SCN11A: variants seen among roughly 807,000 people sequenced by gnomAD.
SCN11A encodes sodium voltage-gated channel alpha subunit 11.
SCN11A carries 122 observed loss-of-function variants against 162.2 expected under a neutral mutation model. That is an observed-to-expected ratio of 0.75 (90% CI 0.65 to 0.87). The LOEUF (loss-of-function observed/expected upper bound fraction) is 0.87, where lower values mean the gene tolerates loss of function less well. SCN11A is among the 40% of genes least tolerant of loss of function. The probability of loss-of-function intolerance (pLI) is 0.00; values close to 1 mark genes in which losing one functional copy is unlikely to be tolerated. For synonymous variants in SCN11A, 758 were observed against 751.5 expected (o/e 1.01, Z -0.14); for missense variants, 2,015 against 2,181.6 (o/e 0.92, Z 1.52).
At position 38,984,801 on chromosome 3, in the gene SCN11A, G is replaced by A. The variant is rs530371033; in HGVS notation, c.-279-24378C>T. Among the ~76,000 whole-genome samples the A allele has an allele frequency of 3.8e-3, 580 of 152,292 alleles. 3 individuals are homozygous for A. Among genetic ancestry groups the A allele is most frequent in the African/African-American group, 0.012 (485 of 41,560 alleles). ...GCTGGGATTACAGGCGTGAGCCACT[G>A]TGCCTGGCTGAAATTCGTGTTGAGC... On this transcript the variant is annotated intron_variant, in intron 2 of 29. Coordinates refer to ENST00000302328, the MANE Select transcript of SCN11A (RefSeq NM_001349253.2).
At chr3:38,855,210 C>A (rs919573149) in intron 28 of SCN11A, among the ~76,000 whole-genome samples, 7 of 152,188 alleles carry the variant, frequency 4.6e-5, no homozygotes, top group Admixed American at 4.6e-4. Context: ...ACCAGCCTCA[C>A]CAACTGTGTG....
intron 7 of SCN11A, among the ~76,000 whole-genome samples, chr3:38,929,127 CTG>C (rs1491337670): frequency 0.057 from 3,197 of 56,110 alleles, 117 homozygotes; most frequent in Admixed American, 0.15. Flanking sequence ...AATACTGGGT[CTG>C]TGCACGCACA....
chr3:38,998,443 C>T (rs899433645), intron 2 of SCN11A, among the ~76,000 whole-genome samples: 4 of 152,132 alleles, frequency 2.6e-5, no homozygotes, highest in African/African-American at 9.7e-5. Flanking sequence ...GCTTTGTAAG[C>T]TCTTATAAGG....
intron 2 of SCN11A, among the ~76,000 whole-genome samples, chr3:38,995,815 ATCTG>A (rs57106365): frequency 0.07 from 9,283 of 133,528 alleles, 411 homozygotes; most frequent in African/African-American, 0.17. Flanking sequence ...CTATCTATCT[ATCTG>A]TCTATCTATC....
chr3:38,907,357 TACACACACACACAC>T lies in SCN11A; in HGVS notation c.1473+578_1473+591del, dbSNP rs376599495. ...GTGTGTGTGTGTATATATCTATATA[TACACACACACACAC>T]ACACACACACACACACACTTTGATG... On this transcript the variant is annotated intron_variant, in intron 14 of 29. Transcript: ENST00000302328. Among the ~76,000 whole-genome samples, 19 of 128,578 alleles carry T rather than the reference TACACACACACACAC, an allele frequency of 1.5e-4. No homozygotes were observed. The East Asian group carries it at 2.5e-3, about 17-fold the overall frequency. The allele number at this position is 128,578 out of a possible 152,430, so 84.4% of individuals were successfully genotyped here.
chr3:38,982,751 T>C lies in SCN11A; in HGVS notation c.-279-22328A>G, dbSNP rs115431352. ...TGATGGCTCAAGGATGGGGTGGGGG[T>C]CAGGAAAGGAAAACCAGGAAGGAAG... On this transcript the variant is annotated intron_variant, in intron 2 of 29. Coordinates refer to ENST00000302328, the MANE Select transcript of SCN11A (RefSeq NM_001349253.2). 8.0e-3 allele frequency among the ~76,000 whole-genome samples: 1,218 copies of C among 151,856 alleles called. 18 individuals are homozygous for C. The highest frequency in any genetic ancestry group is 0.028 in the African/African-American group (1,171 of 41,372).
intron 1 of SCN11A, among the ~76,000 whole-genome samples, chr3:39,046,877 T>C (rs1373501458): frequency 6.6e-6 from 1 of 152,014 alleles, no homozygotes; most frequent in African/African-American, 2.4e-5. Flanking sequence ...TGCACCACCA[T>C]GCCCGGTTAA....
At chr3:39,013,249 A>G (rs1575358864) in intron 2 of SCN11A, among the ~76,000 whole-genome samples, 1 of 152,226 alleles carries the variant, frequency 6.6e-6, no homozygotes, top group South Asian at 2.1e-4. Context: ...GTGTCTTCCA[A>G]TCCTTTTTCT....
rs1212336111 is a variant in SCN11A at position 38,903,884 on chromosome 3, A to T, written c.1823T>A (p.Met608Lys). The T allele has an allele frequency of 2.5e-6, 4 of 1,604,710 alleles. No individual in the cohort carries two copies. Among genetic ancestry groups the T allele is most frequent in the East Asian group, 2.2e-5 (1 of 44,796 alleles). Reference sequence around the variant, plus strand: ...TGTTACCAAATTCCCTATATTCAACATCTTCTCAAAACTGGCCTCCATCTT... The same window carrying T: ...TGTTACCAAATTCCCTATATTCAACTTCTTCTCAAAACTGGCCTCCATCTT... ...HHKMEASFEK[M>K]LNIGNLVFTS... The change falls in exon 16 of 30, where the codon ATG becomes AAG. Residue 608 changes from methionine to lysine, a missense_variant. Transcript: ENST00000302328.
rs181901132 is a variant in SCN11A, at chr3:38,900,226, T to G, written c.1843-153A>C. On this transcript the variant is annotated intron_variant, in intron 16 of 29. Coordinates refer to ENST00000302328, the MANE Select transcript of SCN11A (RefSeq NM_001349253.2). The stretch of plus-strand genomic sequence containing the variant: ...AAGTCCATGCAATAGAAATATTTAC[T>G]ATTGTAGCATGAACCTCACTATGAC... 5.9e-5 allele frequency among the ~76,000 whole-genome samples: 9 copies of G among 152,312 alleles called. No individual in the cohort carries two copies. The East Asian group carries it at 1.7e-3, about 29-fold the overall frequency.
At chr3:38,953,876 C>T (rs1294933502) in intron 3 of SCN11A, among the ~76,000 whole-genome samples, 117 bp from the exon 4 acceptor site, 1 of 152,136 alleles carries the variant, frequency 6.6e-6, no homozygotes, top group Non-Finnish European at 1.5e-5. Context: ...TCTTGAAACT[C>T]CCTCAGGAAG....
At chr3:38,982,554 A>G (rs1479639376) in intron 2 of SCN11A, among the ~76,000 whole-genome samples, 1 of 152,216 alleles carries the variant, frequency 6.6e-6, no homozygotes, top group African/African-American at 2.4e-5. Flanking sequence ...TTGCTTTTAT[A>G]CGAACAACCC....
chr3:38,884,799 T>C (rs35752744), intron 21 of SCN11A, among the ~76,000 whole-genome samples: 30,793 of 152,286 alleles, frequency 0.2, 3,477 homozygotes, highest in Non-Finnish European at 0.25. Context: ...TTGCTTTGGA[T>C]ACTATTATTA....
At chr3:38,905,124 T>C in intron 15 of SCN11A, 68 bp downstream of exon 15, 1 of 1,602,070 alleles carries the variant, frequency 6.2e-7, no homozygotes, top group Non-Finnish European at 8.5e-7. Flanking sequence ...TCTAGGGGAT[T>C]GGGAAGAAGA....
At chr3:38,941,569 GA>G (rs1283205777) in intron 7 of SCN11A, among the ~76,000 whole-genome samples, 1 of 152,136 alleles carries the variant, frequency 6.6e-6, no homozygotes, top group Admixed American at 6.6e-5. Flanking sequence ...ACAAACAGGG[GA>G]CTAAACTGTG....
chr3:38,898,365 A>G (rs979451799), intron 17 of SCN11A, among the ~76,000 whole-genome samples: 1 of 152,244 alleles, frequency 6.6e-6, no homozygotes, highest in African/African-American at 2.4e-5. Flanking sequence ...TTGAAAGTCT[A>G]TGGCTTCTTT....
chr3:38,978,373 C>T lies in SCN11A; in HGVS notation c.-279-17950G>A, dbSNP rs576912008. Among the ~76,000 whole-genome samples the T allele has an allele frequency of 1.4e-4, 22 of 152,310 alleles. No individual in the cohort carries two copies. The South Asian group carries it at 2.9e-3, about 20-fold the overall frequency. On this transcript the variant is annotated intron_variant, in intron 2 of 29. Coordinates refer to ENST00000302328, the MANE Select transcript of SCN11A (RefSeq NM_001349253.2). ...AAATGAATAACACTTTTCCTCGGCA[C>T]GGTAGCTCATACCTGTAATCCCAGA... is the stretch of plus-strand genomic sequence containing the variant.
At chr3:38,898,912 G>C (rs574770663) in intron 17 of SCN11A, among the ~76,000 whole-genome samples, 1 of 152,184 alleles carries the variant, frequency 6.6e-6, no homozygotes, top group South Asian at 2.1e-4. Flanking sequence ...GAGCCTGGCT[G>C]TAATAAGCCT....
intron 7 of SCN11A, among the ~76,000 whole-genome samples, chr3:38,933,415 C>T (rs2066277280): frequency 6.6e-6 from 1 of 152,202 alleles, no homozygotes; most frequent in East Asian, 1.9e-4. Context: ...TTCAGACGAT[C>T]AAACTACTCC....
Sources: allele counts gnomAD v4.1 joint callset (sites outside exome capture counted in the v4.1 genomes callset), GRCh38; gene constraint gnomAD v4.1.1; transcripts MANE v1.5; gene names NCBI Gene and HGNC (gene_info 2026-07-23, HGNC 2026-07-21).